The following DLEU7 variants were observed in gnomAD, a reference collection of about 807,000 sequenced individuals.
The protein encoded by DLEU7 is deleted in lymphocytic leukemia 7, also known as leukemia-associated protein 7.
In DLEU7, 17 loss-of-function variants were observed where a neutral mutation model predicts 16.0. The observed-to-expected ratio is 1.06, with a 90% CI of 0.73 to 1.59. The LOEUF (loss-of-function observed/expected upper bound fraction) is 1.59, where lower values mean the gene tolerates loss of function less well. Ranked by LOEUF, DLEU7 falls within the 40% of genes most tolerant of loss-of-function variation. DLEU7 has a pLI of 0.00. For synonymous variants in DLEU7, 113 were observed against 139.8 expected (o/e 0.81, Z 1.35); for missense variants, 308 against 314.9 (o/e 0.98, Z 0.17).
At chr13:50,812,903 ACTT>A (rs1387285454) in intron 1 of DLEU7, 1 of 151,468 alleles carries the variant, frequency 6.6e-6, no homozygotes, top group Non-Finnish European at 1.5e-5. Context: ...AAAAATTAAA[ACTT>A]CTGCTTAAGG....
chr13:50,812,243 TG>T (rs1876591754), intron 1 of DLEU7, among the ~76,000 whole-genome samples: 1 of 152,094 alleles, frequency 6.6e-6, no homozygotes, highest in East Asian at 1.9e-4. Flanking sequence ...AGCAGCTTGA[TG>T]GTGTGTAGAA....
At chr13:50,798,601 C>G (rs1182362132) in intron 1 of DLEU7, among the ~76,000 whole-genome samples, 1 of 152,126 alleles carries the variant, frequency 6.6e-6, no homozygotes, top group African/African-American at 2.4e-5. Flanking sequence ...ACTCTTTGTA[C>G]TATATTTGGG....
At chr13:50,807,153 AT>A (rs141996603) in intron 1 of DLEU7, among the ~76,000 whole-genome samples, 15,485 of 151,794 alleles carry the variant, frequency 0.1, 1,199 homozygotes, top group African/African-American at 0.2. Context: ...TTATCTTTAA[AT>A]TTTTTTATAC....
At position 50,823,214 on chromosome 13, in the gene DLEU7, A is replaced by G; in HGVS notation, c.*100T>C. 6.7e-7 allele frequency: 1 copy of G among 1,497,220 alleles called. No individual in the cohort carries two copies. Among genetic ancestry groups the G allele is most frequent in the African/African-American group, 1.4e-5 (1 of 72,302 alleles). The allele number at this position is 1,497,220 out of a possible 1,614,324, so 92.7% of individuals were successfully genotyped here. A position where few individuals can be genotyped will look rare whatever the true frequency, so the allele number is the denominator to read the frequency against. ...GTACCATCAAGTCTTTCCCCTTTGG[A>G]TATAAAAATATCCATTGTCTGCTGA... On this transcript the variant is annotated 3_prime_UTR_variant, in exon 2 of 2. Transcript: ENST00000504404.
chr13:50,777,038 T>G (rs1875521014), intron 1 of DLEU7, among the ~76,000 whole-genome samples: 1 of 152,180 alleles, frequency 6.6e-6, no homozygotes, highest in Non-Finnish European at 1.5e-5. Context: ...AAGCTGGAAC[T>G]TAGTAGTGGC....
intron 1 of DLEU7, among the ~76,000 whole-genome samples, chr13:50,831,822 C>T (rs1374648224): frequency 6.6e-6 from 1 of 152,128 alleles, no homozygotes; most frequent in Non-Finnish European, 1.5e-5. Context: ...TTAACTTCTG[C>T]CAGGGTTGAA....
intron 1 of DLEU7, among the ~76,000 whole-genome samples, chr13:50,749,655 A>G (rs1874504834): frequency 6.6e-6 from 1 of 151,938 alleles, no homozygotes; most frequent in African/African-American, 2.4e-5. Context: ...GTGGTATCAC[A>G]TTGTGGTTTT....
Position 50,843,417 on chromosome 13 carries a change from C to G in DLEU7, c.230G>C (p.Arg77Pro), listed in dbSNP as rs1033045422. Residue 77 changes from arginine (R) to proline (P), a missense_variant, in exon 1 of 2, where the codon CGG (arginine) becomes CCG (proline). Coordinates refer to ENST00000504404, the MANE Select transcript of DLEU7 (RefSeq NM_001306135.2). The surrounding 1 kb of genome is among the most constrained non-coding windows in gnomAD (Gnocchi z 5.7). Reference sequence around the variant, plus strand: ...GGAGTTCGCCCGCGCCGCGGTCCGCCGACTCCTGGTCCCCACGCCCCCGCC... The same window carrying G: ...GGAGTTCGCCCGCGCCGCGGTCCGCGGACTCCTGGTCCCCACGCCCCCGCC... ...ERGGGVGTRS[R>P]RTAARANSPE... 2.1e-5 allele frequency: 28 copies of G among 1,317,254 alleles called. No homozygotes were observed. The highest frequency in any genetic ancestry group is 2.7e-5 in the Non-Finnish European group (28 of 1,037,892). 81.6% of individuals were successfully genotyped at this position (1,317,254 alleles called of 1,614,324 possible). A position where few individuals can be genotyped will look rare whatever the true frequency, so the allele number is the denominator to read the frequency against.
intron 1 of DLEU7, among the ~76,000 whole-genome samples, chr13:50,715,067 G>T (rs991980327): frequency 6.6e-6 from 1 of 152,124 alleles, no homozygotes; most frequent in African/African-American, 2.4e-5. Context: ...TGAGGTCCCT[G>T]CTTCCCTGCG....
intron 1 of DLEU7, among the ~76,000 whole-genome samples, chr13:50,722,253 G>A (rs1593527750): frequency 6.6e-6 from 1 of 152,338 alleles, no homozygotes; most frequent in East Asian, 1.9e-4. Flanking sequence ...TAAGCCCAGA[G>A]GTAGGCCTGG....
intron 1 of DLEU7, among the ~76,000 whole-genome samples, chr13:50,732,626 A>AAAAAAAAAAAC (rs1873945555): frequency 6.6e-6 from 1 of 151,082 alleles, no homozygotes; most frequent in Non-Finnish European, 1.5e-5. Flanking sequence ...AAAAAAAAAA[A>AAAAAAAAAAAC]GCTTATGTGC....
At chr13:50,730,781 A>G (rs911457504) in intron 1 of DLEU7, among the ~76,000 whole-genome samples, 1 of 152,156 alleles carries the variant, frequency 6.6e-6, no homozygotes, top group Non-Finnish European at 1.5e-5. Context: ...TCTGTTGGTT[A>G]TCTTTGAGAG....
At chr13:50,768,717 C>T (rs1463611365) in intron 1 of DLEU7, among the ~76,000 whole-genome samples, 2 of 152,158 alleles carry the variant, frequency 1.3e-5, no homozygotes, top group Non-Finnish European at 2.9e-5. Context: ...CAAGTCTTTG[C>T]TATTGTGAAT....
chr13:50,719,278 T>G lies in DLEU7; in HGVS notation c.460-6038A>C, dbSNP rs571171156. On this transcript the variant is annotated intron_variant, in intron 1 of 1. Transcript: ENST00000400393. ...GGACTCTAGCCAGCTTTATGTTACG[T>G]TTTTGGTGATTTAAGGAATTCTGTT... Among the ~76,000 whole-genome samples, 273 of 152,210 alleles carry G rather than the reference T, an allele frequency of 1.8e-3. 2 individuals carry two copies. Among genetic ancestry groups the G allele is most frequent in the Middle Eastern group, 3.4e-3 (1 of 294 alleles).
chr13:50,768,059 T>A (rs1455192223), intron 1 of DLEU7, among the ~76,000 whole-genome samples: 1 of 152,210 alleles, frequency 6.6e-6, no homozygotes, highest in East Asian at 1.9e-4. Flanking sequence ...ATTTACCACT[T>A]TTAATGTTTA....
At chr13:50,738,406 G>A (rs892734359) in intron 1 of DLEU7, among the ~76,000 whole-genome samples, 5 of 152,138 alleles carry the variant, frequency 3.3e-5, no homozygotes, top group Non-Finnish European at 2.9e-5. Context: ...AGAATTGCCA[G>A]TACATGGTGA....
intron 1 of DLEU7, among the ~76,000 whole-genome samples, chr13:50,738,442 T>C (rs971168041): frequency 4.6e-5 from 7 of 152,136 alleles, no homozygotes; most frequent in Non-Finnish European, 7.4e-5. Context: ...CAACGTTCAG[T>C]CAGACTTATT....
upstream of DLEU7, chr13:50,843,704 CG>C: frequency 6.8e-7 from 1 of 1,475,430 alleles, no homozygotes; most frequent in Non-Finnish European, 8.9e-7. The surrounding 1 kb of genome is among the most constrained non-coding windows in gnomAD (Gnocchi z 5.7). Context: ...GCGAGGGAGG[CG>C]GGGGCGTTGG....
intron 1 of DLEU7, among the ~76,000 whole-genome samples, chr13:50,715,946 C>T (rs1193044810): frequency 6.6e-6 from 1 of 152,266 alleles, no homozygotes; most frequent in Admixed American, 6.5e-5. Context: ...TCCCTGCCAC[C>T]TGGCCATGCA....
Sources: gnomAD v4.1 joint callset for allele counts (sites outside exome capture counted in the v4.1 genomes callset) on GRCh38, gnomAD v4.1.1 for gene constraint, Gnocchi (gnomAD v3.1) non-coding constraint, MANE v1.5 for transcripts, NCBI Gene and HGNC (gene_info 2026-07-23, HGNC 2026-07-21) for gene names.